Variants in DTX1 observed in about 807,000 individuals in gnomAD.
DTX1 encodes E3 ubiquitin-protein ligase DTX1.
Under a neutral mutation model 57.8 loss-of-function variants are expected in DTX1, and 26 were observed. The ratio of observed to expected loss-of-function variants is 0.45; its 90% CI spans 0.33 to 0.62. The LOEUF (loss-of-function observed/expected upper bound fraction) is 0.62, where lower values mean the gene tolerates loss of function less well. Among genes scored for constraint, DTX1 ranks in the 20% least tolerant of loss-of-function variants. The pLI, the probability that DTX1 is intolerant of heterozygous loss-of-function variation, is 0.02. For synonymous variants in DTX1, 398 were observed against 394.1 expected, an observed-to-expected ratio of 1.01 and a Z score of -0.12; for missense variants, 704 against 895.3, an observed-to-expected ratio of 0.79 and a Z score of 2.73.
At position 113,097,710 on chromosome 12, in the gene DTX1, C is replaced by T. The variant is rs780806237; in HGVS notation, c.*771C>T. Reference sequence around the variant, plus strand: ...CCCTACCCCATCCTCTCCACCAAATCGCTCCCAATTTTGAGAGCCAAAGGC... The same window carrying T: ...CCCTACCCCATCCTCTCCACCAAATTGCTCCCAATTTTGAGAGCCAAAGGC... On this transcript the variant is annotated 3_prime_UTR_variant, in exon 10 of 10. Coordinates refer to ENST00000548759, the MANE Select transcript of DTX1 (RefSeq NM_004416.3). 1.3e-5 allele frequency: 2 copies of T among 152,416 alleles called. No homozygotes were observed. Among genetic ancestry groups the T allele is most frequent in the South Asian group, 2.1e-4 (1 of 4,838 alleles). 9.4% of individuals were successfully genotyped at this position (152,416 alleles called of 1,614,324 possible).
At chr12:113,096,489 A>G (rs1592859231) in intron 9 of DTX1, among the ~76,000 whole-genome samples, 2 of 151,986 alleles carry the variant, frequency 1.3e-5, no homozygotes, top group African/African-American at 2.4e-5. Context: ...AAAAGGAAAG[A>G]AAAGAAAAGA....
intron 6 of DTX1, 140 bp from the exon 7 acceptor site, chr12:113,094,649 G>A: frequency 1.1e-6 from 1 of 911,472 alleles, no homozygotes; most frequent in Non-Finnish European, 1.6e-6. Context: ...TGGGGCAGAG[G>A]GTGTGTCCTG....
At position 113,077,324 on chromosome 12, in the gene DTX1, C is replaced by G. The variant is rs2044779224; in HGVS notation, c.260-100C>G. 2 of 1,369,640 alleles carry G rather than the reference C, an allele frequency of 1.5e-6. No individual in the cohort carries two copies. The highest frequency in any genetic ancestry group is 1.9e-6 in the Non-Finnish European group (2 of 1,028,100). The allele number at this position is 1,369,640 out of a possible 1,614,324, so 84.8% of individuals were successfully genotyped here. ...GACCCCCTGGAGGCCTGTGCTGACC[C>G]CCCAACCTCCCGCCCACCCTTGCCT... On this transcript the variant is annotated intron_variant, in intron 2 of 9. Coordinates refer to ENST00000548759, the MANE Select transcript of DTX1 (RefSeq NM_004416.3). The surrounding 1 kb of genome is among the most constrained non-coding windows in gnomAD (Gnocchi z 7.8).
At position 113,095,458 on chromosome 12, in the gene DTX1, G is replaced by A. The variant is rs376538262; in HGVS notation, c.1638+44G>A. On this transcript the variant is annotated intron_variant, in intron 9 of 9. Coordinates refer to ENST00000548759, the MANE Select transcript of DTX1 (RefSeq NM_004416.3). ...GGGCATGGGAGATAGGCACAGGCAG[G>A]GGCTCCAGCAACCACTGGCCTGGGC... is the stretch of plus-strand genomic sequence containing the variant. 3.7e-6 allele frequency: 6 copies of A among 1,611,910 alleles called. No homozygotes were observed. The African/African-American group carries it at 5.3e-5, about 14-fold the overall frequency.
At chr12:113,079,969 C>T (rs574060783) in intron 3 of DTX1, among the ~76,000 whole-genome samples, 63 of 151,962 alleles carry the variant, frequency 4.1e-4, no homozygotes, top group Admixed American at 6.5e-4. Flanking sequence ...CATGTGAAAA[C>T]GCTGTGTACC....
chr12:113,081,399 C>G (rs1385259982), intron 3 of DTX1, among the ~76,000 whole-genome samples: 2 of 152,222 alleles, frequency 1.3e-5, no homozygotes, highest in African/African-American at 2.4e-5. Context: ...ACTCAGCTTT[C>G]ATGGCCTAGT....
chr12:113,062,583 T>G (rs979832016), intron 2 of DTX1, among the ~76,000 whole-genome samples: 1 of 152,166 alleles, frequency 6.6e-6, no homozygotes, highest in Non-Finnish European at 1.5e-5. Context: ...GAGCATGGGG[T>G]AAGACCGTGC....
At chr12:113,078,175 G>T (rs1218009585) in intron 3 of DTX1, 70 bp downstream of exon 3, 2 of 1,156,072 alleles carry the variant, frequency 1.7e-6, no homozygotes, top group Non-Finnish European at 2.2e-6. Context: ...GGGGGTGGTT[G>T]GCCACTAGGG....
chr12:113,058,034 C>T lies in DTX1; in HGVS notation c.-159C>T. 3 of 1,216,980 alleles carry T rather than the reference C, an allele frequency of 2.5e-6. No individual in the cohort carries two copies. The highest frequency in any genetic ancestry group is 2.2e-6 in the Non-Finnish European group (2 of 901,870). The allele number at this position is 1,216,980 out of a possible 1,614,324, so 75.4% of individuals were successfully genotyped here. A position where few individuals can be genotyped will look rare whatever the true frequency, so the allele number is the denominator to read the frequency against. On this transcript the variant is annotated 5_prime_UTR_variant, in exon 2 of 10. It adds an upstream start codon to the 5' untranslated region. Coordinates refer to ENST00000548759, the MANE Select transcript of DTX1 (RefSeq NM_004416.3). Reference sequence around the variant, plus strand: ...GGATGGCCATCCCACATTCCTTTAACGGAGGTCTCTAGGCCTCAGAGAGAA... The same window carrying T: ...GGATGGCCATCCCACATTCCTTTAATGGAGGTCTCTAGGCCTCAGAGAGAA...
chr12:113,088,422 G>C (rs972996604), intron 3 of DTX1, among the ~76,000 whole-genome samples: 22 of 152,216 alleles, frequency 1.4e-4, no homozygotes, highest in African/African-American at 4.8e-4. Context: ...CTCTAACTTT[G>C]TCTGGCAGAA....
At chr12:113,094,369 T>TG (rs945336491) in intron 6 of DTX1, among the ~76,000 whole-genome samples, 2 of 152,170 alleles carry the variant, frequency 1.3e-5, no homozygotes, top group African/African-American at 4.8e-5. Context: ...TTAATTCACC[T>TG]GGGGGGTGGT....
chr12:113,094,846 C>T lies in DTX1; in HGVS notation c.1285C>T (p.Arg429Trp), dbSNP rs753471133. The T allele has an allele frequency of 8.7e-6, 14 of 1,613,706 alleles. No individual in the cohort carries two copies. In the South Asian group the frequency reaches 8.8e-5, roughly 10 times the overall value. Residue 429 changes from arginine to tryptophan, a missense_variant, in exon 7 of 10, where the codon CGG becomes TGG. Coordinates refer to ENST00000548759, the MANE Select transcript of DTX1 (RefSeq NM_004416.3). Reference sequence around the variant, plus strand: ...AGCATCAGGCTACGAGGGCGTGCTTCGGCACAAGGGCGTGCGGCCTGAGCT... The same window carrying T: ...AGCATCAGGCTACGAGGGCGTGCTTTGGCACAAGGGCGTGCGGCCTGAGCT... ...VTASGYEGVLRHKGVRPELVG... is the reference protein window; with the variant it reads ...VTASGYEGVLWHKGVRPELVG...
chr12:113,089,040 C>T (rs1441468555), intron 3 of DTX1, among the ~76,000 whole-genome samples: 4 of 152,054 alleles, frequency 2.6e-5, no homozygotes, highest in African/African-American at 7.2e-5. Context: ...ATAAAGTGGT[C>T]GGGAAGGTGT....
intron 3 of DTX1, 135 bp downstream of exon 3, chr12:113,078,240 T>A: frequency 8.0e-6 from 6 of 745,784 alleles, no homozygotes; most frequent in Non-Finnish European, 1.0e-5. Context: ...CAGCATGCAC[T>A]AAATGTTCAT....
rs141617919 is a variant in DTX1 at position 113,063,182 on chromosome 12, C to T, written c.259+4731C>T. 1.6e-3 allele frequency among the ~76,000 whole-genome samples: 244 copies of T among 152,324 alleles called. 2 individuals are homozygous for T. The highest frequency in any genetic ancestry group is 5.5e-3 in the Admixed American group (84 of 15,302). Reference sequence around the variant, plus strand: ...TTGCCACATATGGGAAGCCCAAGGCCGAAGGGTATGCTCAGCTGGTGGCTG... The same window carrying T: ...TTGCCACATATGGGAAGCCCAAGGCTGAAGGGTATGCTCAGCTGGTGGCTG... On this transcript the variant is annotated intron_variant, in intron 2 of 9. Coordinates refer to ENST00000548759, the MANE Select transcript of DTX1 (RefSeq NM_004416.3).
Position 113,077,527 on chromosome 12 carries a change from C to T in DTX1, c.363C>T (p.Tyr121=), listed in dbSNP as rs1216761112. Residue 121 remains tyrosine (Y), a synonymous_variant, in exon 3 of 10, where the codon TAC becomes TAT. Transcript: ENST00000548759. The surrounding 1 kb of genome is among the most constrained non-coding windows in gnomAD (Gnocchi z 7.8). ...ACGACGGCGGCGCATGGACGGCCTA[C>T]GATATGGACATCTGCATCACCATCC... ...WENDGGAWTA[Y]DMDICITIQN... is the part of the protein sequence containing the mutation. 2.5e-6 allele frequency: 4 copies of T among 1,613,654 alleles called. No homozygotes were observed. The highest frequency in any genetic ancestry group is 1.1e-5 in the South Asian group (1 of 91,090).
Position 113,077,865 on chromosome 12 carries a change from C to T in DTX1, c.701C>T (p.Pro234Leu), listed in dbSNP as rs530209090. 2.6e-3 allele frequency: 3,354 copies of T among 1,311,432 alleles called. 12 individuals are homozygous for T. Among genetic ancestry groups the T allele is most frequent in the Middle Eastern group, 0.01 (35 of 3,452 alleles). The allele number at this position is 1,311,432 out of a possible 1,614,324, so 81.2% of individuals were successfully genotyped here. A position where few individuals can be genotyped will look rare whatever the true frequency, so the allele number is the denominator to read the frequency against. The change falls in exon 3 of 10, where the codon CCG becomes CTG. Residue 234 changes from proline to leucine, a missense_variant. Coordinates refer to ENST00000548759, the MANE Select transcript of DTX1 (RefSeq NM_004416.3). The surrounding 1 kb of genome is among the most constrained non-coding windows in gnomAD (Gnocchi z 7.8). ...RKAPPAPPLP[P>L]PPPPGGPPGA... ...GCGCCCCCCGCGCCCCCGCTGCCGC[C>T]GCCGCCGCCACCTGGAGGGCCTCCA... is the stretch of plus-strand genomic sequence containing the variant.
At chr12:113,076,170 A>G (rs1033475079) in intron 2 of DTX1, among the ~76,000 whole-genome samples, 1 of 152,136 alleles carries the variant, frequency 6.6e-6, no homozygotes, top group Non-Finnish European at 1.5e-5. Context: ...TAAAAAAAGC[A>G]TAAGGGGCCC....
At chr12:113,085,151 G>A (rs1407302719) in intron 3 of DTX1, among the ~76,000 whole-genome samples, 1 of 151,938 alleles carries the variant, frequency 6.6e-6, no homozygotes. Context: ...CCAGGCTCAA[G>A]CAATACTTGT....
Sources: allele counts gnomAD v4.1 joint callset (sites outside exome capture counted in the v4.1 genomes callset), GRCh38; gene constraint gnomAD v4.1.1; non-coding constraint Gnocchi (gnomAD v3.1); transcripts MANE v1.5; gene names NCBI Gene and HGNC (gene_info 2026-07-23, HGNC 2026-07-21).